LAMC2: variants seen among roughly 807,000 people sequenced by gnomAD.
The protein encoded by LAMC2 is laminin subunit gamma-2.
Under a neutral mutation model 140.2 loss-of-function variants are expected in LAMC2, and 97 were observed. The observed-to-expected ratio is 0.69, with a 90% confidence interval of 0.59 to 0.82. The LOEUF (loss-of-function observed/expected upper bound fraction) is 0.82. Ranked by LOEUF, LAMC2 falls within the 40% of genes least tolerant of loss-of-function variation. LAMC2 has a pLI of 0.00. For missense variants in LAMC2, 1,402 were observed against 1,476.1 expected, an observed-to-expected ratio of 0.95 and a Z score of 0.82; for synonymous variants, 513 against 540.2, an observed-to-expected ratio of 0.95 and a Z score of 0.70.
At chr1:183,193,371 G>A (rs672119) in intron 1 of LAMC2, among the ~76,000 whole-genome samples, 86,819 of 152,070 alleles carry the variant, frequency 0.57, 25,540 homozygotes, top group East Asian at 0.73. Flanking sequence ...TTTAATGACT[G>A]TTGACATTTT....
chr1:183,221,749 A>G (rs1311555573), intron 5 of LAMC2, among the ~76,000 whole-genome samples: 1 of 151,640 alleles, frequency 6.6e-6, no homozygotes, highest in Non-Finnish European at 1.5e-5. Flanking sequence ...CAAATGAAAA[A>G]AAAATGAAAA....
chr1:183,226,705 G>A lies in LAMC2; in HGVS notation c.1074G>A (p.Gly358=), dbSNP rs145811533. 8.4e-5 allele frequency: 135 copies of A among 1,613,942 alleles called. No individual in the cohort carries two copies. The highest frequency in any genetic ancestry group is 1.7e-5 in the Non-Finnish European group (20 of 1,179,916). ...IRATYGEYST[G]YIDNVTLISA... The stretch of plus-strand genomic sequence containing the variant: ...CTGTTCTCTCGATTGCAGGTACTGG[G>A]TACATTGACAATGTGACCCTGATTT... The change falls in exon 9 of 23, where the codon GGG becomes GGA. Residue 358 remains glycine, a synonymous_variant. Transcript: ENST00000264144.
chr1:183,232,285 G>C lies in LAMC2; in HGVS notation c.1956G>C (p.Arg652Ser), dbSNP rs1186336421. 1 of 1,614,104 alleles carries C rather than the reference G, an allele frequency of 6.2e-7. No homozygotes were observed. Among genetic ancestry groups the C allele is most frequent in the Admixed American group, 1.7e-5 (1 of 60,028 alleles). ...TACCTGATACAGAGCTGGAAGGCAG[G>C]ATGCAGCAGGCTGAGCAGGCCCTTC... ...GVVPDTELEGRMQQAEQALQD... is the reference protein window; with the variant it reads ...GVVPDTELEGSMQQAEQALQD... Residue 652 changes from arginine (R) to serine (S), a missense_variant, in exon 13 of 23, where the codon AGG (arginine) becomes AGC (serine). By Grantham distance (110) the Arg-to-Ser change is moderately radical. Around this residue, in one of 3 missense-constraint regions of LAMC2, gnomAD observed 670 missense variants for 667.2 expected, o/e 1.00. Transcript: ENST00000264144.
Position 183,202,229 on chromosome 1 carries a change from A to C in LAMC2, c.80-5652A>C, listed in dbSNP as rs185371869. On this transcript the variant is annotated intron_variant, in intron 1 of 22. Coordinates refer to ENST00000264144, the MANE Select transcript of LAMC2 (RefSeq NM_005562.3). ...ACAGCAACAACAACAACAACAAAAA[A>C]AAAAAAACAAAGAAAACCACACACA... is the stretch of plus-strand genomic sequence containing the variant. Among the ~76,000 whole-genome samples, 1,037 of 151,906 alleles carry C rather than the reference A, an allele frequency of 6.8e-3. 16 individuals are homozygous for C. The highest frequency in any genetic ancestry group is 0.042 in the South Asian group (203 of 4,808).
chr1:183,207,954 C>T lies in LAMC2; in HGVS notation c.153C>T (p.Phe51=), dbSNP rs376424168. Residue 51 remains phenylalanine (F), a synonymous_variant, in exon 2 of 23, where the codon TTC becomes TTT. Coordinates refer to ENST00000264144, the MANE Select transcript of LAMC2 (RefSeq NM_005562.3). ...RELHRQTGNG[F]RCLNCNDNTD... is the part of the protein sequence containing the mutation. ...TTCACAGACAAACTGGTAATGGATTCCGCTGCCTCAACTGCAATGACAACA... is the reference window on the plus strand; with the variant it reads ...TTCACAGACAAACTGGTAATGGATTTCGCTGCCTCAACTGCAATGACAACA... 5.6e-6 allele frequency: 9 copies of T among 1,613,078 alleles called. No individual in the cohort carries two copies. The highest frequency in any genetic ancestry group is 7.6e-6 in the Non-Finnish European group (9 of 1,179,870).
At chr1:183,194,582 A>T (rs1375335955) in intron 1 of LAMC2, among the ~76,000 whole-genome samples, 1 of 152,240 alleles carries the variant, frequency 6.6e-6, no homozygotes, top group Non-Finnish European at 1.5e-5. Context: ...TACTTCAATT[A>T]TCTCCAAAAG....
At chr1:183,235,791 C>T (rs1659943229) in intron 16 of LAMC2, 61 bp downstream of exon 16, 3 of 1,566,166 alleles carry the variant, frequency 1.9e-6, no homozygotes, top group Admixed American at 1.7e-5. Context: ...GGGCAAAATG[C>T]TAACCGTACT....
intron 1 of LAMC2, among the ~76,000 whole-genome samples, chr1:183,190,239 A>G (rs1337923301): frequency 1.3e-5 from 2 of 152,216 alleles, no homozygotes; most frequent in African/African-American, 4.8e-5. Context: ...AGCACTTAAT[A>G]CATGTTAATA....
At position 183,227,519 on chromosome 1, in the gene LAMC2, T is replaced by C. The variant is rs1659661622; in HGVS notation, c.1290T>C (p.Asp430=). 4 of 1,613,550 alleles carry C rather than the reference T, an allele frequency of 2.5e-6. No individual in the cohort carries two copies. The highest frequency in any genetic ancestry group is 3.4e-6 in the Non-Finnish European group (4 of 1,179,486). The part of the protein sequence containing the change: ...GGGACDPDTG[D]CYSGDENPDI... Reference sequence around the variant, plus strand: ...CCACTCTTCTCCTACCCCCAGGAGATTGTTATTCAGGGGATGAGAATCCTG... The same window carrying C: ...CCACTCTTCTCCTACCCCCAGGAGACTGTTATTCAGGGGATGAGAATCCTG... The change falls in exon 10 of 23, where the codon GAT becomes GAC. Residue 430 remains aspartate, a synonymous_variant. Coordinates refer to ENST00000264144, the MANE Select transcript of LAMC2 (RefSeq NM_005562.3).
the LAMC2 span, among the ~76,000 whole-genome samples, chr1:183,254,789 G>C: frequency 8.0e-4 from 122 of 152,292 alleles, 1 homozygote; most frequent in South Asian, 0.01. Flanking sequence ...TTTGAGTTGT[G>C]TAAGTTCTTT....
chr1:183,198,140 C>CTTT (rs11338377), intron 1 of LAMC2, among the ~76,000 whole-genome samples: 1 of 138,186 alleles, frequency 7.2e-6, no homozygotes, highest in African/African-American at 2.7e-5. Context: ...TTTTTTCTTT[C>CTTT]TTTTTTTTTT....
At chr1:183,235,547 C>G (rs747378647) in intron 15 of LAMC2, 28 bp from the exon 16 acceptor site, 1 of 1,613,708 alleles carries the variant, frequency 6.2e-7, no homozygotes. Context: ...CGTGAAAACT[C>G]TTATTCTTTT....
chr1:183,235,525 G>A (rs780288674), intron 15 of LAMC2, 50 bp from the exon 16 acceptor site: 6 of 1,608,970 alleles, frequency 3.7e-6, no homozygotes, highest in East Asian at 2.2e-5. Context: ...ACAACCTAAA[G>A]GAAGCCCTTT....
intron 1 of LAMC2, 79 bp downstream of exon 1, chr1:183,186,510 G>T: frequency 1.4e-6 from 2 of 1,477,282 alleles, no homozygotes; most frequent in Non-Finnish European, 1.8e-6. Context: ...ATGGCTGAAC[G>T]TACCTCCGAG....
Position 183,232,763 on chromosome 1 carries a change from G to A in LAMC2, c.2126G>A (p.Gly709Glu), listed in dbSNP as rs759613276. 13 of 1,613,922 alleles carry A rather than the reference G, an allele frequency of 8.1e-6. No homozygotes were observed. In the East Asian group the frequency reaches 1.1e-4, roughly 14 times the overall value. ...ACTGTGGAAAGAGTTCGGGCTCTGGGAAGTCAGTACCAGAACCGAGTTCGG... is the reference window on the plus strand; with the variant it reads ...ACTGTGGAAAGAGTTCGGGCTCTGGAAAGTCAGTACCAGAACCGAGTTCGG... Reference protein sequence around the residue: ...KMTVERVRALGSQYQNRVRDT... With the variant: ...KMTVERVRALESQYQNRVRDT... Residue 709 changes from glycine to glutamate, a missense_variant, in exon 14 of 23, where the codon GGA (glycine) becomes GAA (glutamate). Gly to Glu is a moderately conservative substitution (Grantham distance 98). Coordinates refer to ENST00000264144, the MANE Select transcript of LAMC2 (RefSeq NM_005562.3).
At chr1:183,196,995 G>T (rs1658540871) in intron 1 of LAMC2, among the ~76,000 whole-genome samples, 2 of 152,202 alleles carry the variant, frequency 1.3e-5, no homozygotes, top group South Asian at 4.1e-4. Flanking sequence ...AGGCAATATT[G>T]AGGAATTCTG....
In LAMC2 at chr1:183,218,371, T is replaced by G. The variant is rs1211193821; in HGVS notation, c.405-19T>G. ...GCATTTGGAAGCATGTCCCTAATTT[T>G]CTTTTTCTTCTTCCCCAGAGACTCC... On this transcript the variant is annotated intron_variant, in intron 3 of 22. Coordinates refer to ENST00000264144, the MANE Select transcript of LAMC2 (RefSeq NM_005562.3). 5 of 1,599,528 alleles carry G rather than the reference T, an allele frequency of 3.1e-6. No individual in the cohort carries two copies. The highest frequency in any genetic ancestry group is 1.3e-5 in the African/African-American group (1 of 74,682).
the LAMC2 span, among the ~76,000 whole-genome samples, chr1:183,256,587 T>G: frequency 1.3e-5 from 2 of 152,228 alleles, no homozygotes; most frequent in Non-Finnish European, 2.9e-5. Flanking sequence ...TCTATTTATG[T>G]GATGTATCAC....
intron 3 of LAMC2, among the ~76,000 whole-genome samples, chr1:183,217,123 GAAGGAGGGGTC>G (rs1336730188): frequency 6.6e-6 from 1 of 152,160 alleles, no homozygotes; most frequent in African/African-American, 2.4e-5. Flanking sequence ...ATGTGAGGGA[GAAGGAGGGGTC>G]AAGGGTGCTC....
Sources: allele counts gnomAD v4.1 joint callset (sites outside exome capture counted in the v4.1 genomes callset), GRCh38; gene constraint gnomAD v4.1.1; regional missense constraint gnomAD v4.1.1; transcripts MANE v1.5; gene names NCBI Gene and HGNC (gene_info 2026-07-23, HGNC 2026-07-21).